Variants in FAAH2 observed in about 807,000 individuals in gnomAD.
The protein encoded by FAAH2 is fatty acid amide hydrolase 2.
A neutral mutation model predicts 36.9 loss-of-function variants in FAAH2; 60 were observed. That is an observed-to-expected ratio of 1.63 (90% CI 1.32 to 2.02). The LOEUF is 2.02. FAAH2 is among the 30% of genes most tolerant of loss of function. The pLI is 0.00. For synonymous variants in FAAH2, 214 were observed against 143.8 expected (o/e 1.49, Z -3.49); for missense variants, 689 against 397.5 (o/e 1.73, Z -6.23).
intron 8 of FAAH2, among the ~76,000 whole-genome samples, chrX:57,445,969 G>T (rs2056665536): frequency 8.9e-6 from 1 of 112,539 alleles, no homozygotes; most frequent in Non-Finnish European, 1.9e-5. Context: ...TCAGCTAGTG[G>T]TGGAGCCAGC....
intron 8 of FAAH2, among the ~76,000 whole-genome samples, chrX:57,435,489 A>C (rs2056391540): frequency 9.0e-6 from 1 of 110,808 alleles, no homozygotes; most frequent in Non-Finnish European, 1.9e-5. Context: ...ACTGAGAGAA[A>C]AGGGTTGAAA....
chrX:57,200,329 A>T, the FAAH2 span, among the ~76,000 whole-genome samples: 1 of 109,925 alleles, frequency 9.1e-6, no homozygotes, highest in African/African-American at 3.3e-5. Context: ...TTGCATCAAT[A>T]AGCAAGGAAA....
At chrX:57,139,328 T>A in the FAAH2 span, among the ~76,000 whole-genome samples, 1 of 112,464 alleles carries the variant, frequency 8.9e-6, no homozygotes, top group Admixed American at 9.4e-5. Flanking sequence ...TTCTATAGTG[T>A]GTGTTCTTGG....
At chrX:57,146,680 AG>A in the FAAH2 span, among the ~76,000 whole-genome samples, 1 of 112,173 alleles carries the variant, frequency 8.9e-6, no homozygotes. Flanking sequence ...TTCTCCATTC[AG>A]TATAATGTTG....
At chrX:57,312,972 C>A (rs770047629) in intron 3 of FAAH2, among the ~76,000 whole-genome samples, 1 of 111,107 alleles carries the variant, frequency 9.0e-6, no homozygotes, top group South Asian at 3.8e-4. Flanking sequence ...AAATCCAATC[C>A]AAGGAATGCA....
chrX:57,447,065 C>A, intron 9 of FAAH2, 26 bp downstream of exon 9: 1 of 1,054,289 alleles, frequency 9.5e-7, no homozygotes, highest in Non-Finnish European at 1.3e-6. Context: ...TCTACCTAGA[C>A]CAGTTTGATG....
the FAAH2 span, among the ~76,000 whole-genome samples, chrX:57,205,555 A>T: frequency 1.8e-5 from 2 of 112,349 alleles, no homozygotes; most frequent in African/African-American, 6.5e-5. Flanking sequence ...ATTAACAGGC[A>T]TATCAAAGCA....
the FAAH2 span, chrX:57,137,414 C>G: frequency 1.9e-5 from 14 of 724,327 alleles, no homozygotes; most frequent in Admixed American, 1.7e-4. Context: ...AGCGGTGTCC[C>G]CAGCGCTTCG....
intron 5 of FAAH2, among the ~76,000 whole-genome samples, chrX:57,375,944 T>A (rs1395992018): frequency 9.0e-6 from 1 of 111,712 alleles, no homozygotes; most frequent in East Asian, 2.8e-4. Flanking sequence ...ACTATTTTTC[T>A]ATATATATAT....
the FAAH2 span, among the ~76,000 whole-genome samples, chrX:57,139,800 G>C: frequency 1.3e-4 from 15 of 111,670 alleles, no homozygotes; most frequent in African/African-American, 4.9e-4. Context: ...TGATGCCCCA[G>C]CTTAGTTCTT....
chrX:57,421,093 T>G (rs977023644), intron 7 of FAAH2, among the ~76,000 whole-genome samples: 2 of 112,263 alleles, frequency 1.8e-5, no homozygotes, highest in Admixed American at 9.5e-5. Flanking sequence ...ATTCATTACC[T>G]TCATAAGATT....
chrX:57,235,429 C>G, the FAAH2 span, among the ~76,000 whole-genome samples: 1 of 111,758 alleles, frequency 8.9e-6, no homozygotes, highest in African/African-American at 3.3e-5. Context: ...TTTTCCATCA[C>G]TCTTATGATC....
At chrX:57,439,088 A>G (rs931168966) in intron 8 of FAAH2, among the ~76,000 whole-genome samples, 2 of 111,000 alleles carry the variant, frequency 1.8e-5, no homozygotes, top group African/African-American at 6.6e-5. Context: ...TTATAGTAGC[A>G]TGATTTATAA....
the FAAH2 span, among the ~76,000 whole-genome samples, chrX:57,226,645 C>T: frequency 1.2e-4 from 13 of 111,341 alleles, no homozygotes; most frequent in Non-Finnish European, 2.1e-4. Flanking sequence ...GATCTTTTTG[C>T]AATAGATTTC....
the FAAH2 span, among the ~76,000 whole-genome samples, chrX:57,224,813 G>A: frequency 8.9e-6 from 1 of 112,203 alleles, no homozygotes; most frequent in East Asian, 2.8e-4. Flanking sequence ...ACACTGCCTC[G>A]TGTTGTCTGT....
the FAAH2 span, among the ~76,000 whole-genome samples, chrX:57,252,460 T>C: frequency 8.9e-6 from 1 of 112,390 alleles, no homozygotes; most frequent in African/African-American, 3.2e-5. Context: ...GACACCCGTG[T>C]AGCCTGATTG....
the FAAH2 span, among the ~76,000 whole-genome samples, chrX:57,225,388 T>C: frequency 8.9e-6 from 1 of 112,232 alleles, no homozygotes; most frequent in Non-Finnish European, 1.9e-5. Context: ...ATCTTGATTT[T>C]GTTTTTGGCC....
At chrX:57,191,718 C>A in the FAAH2 span, among the ~76,000 whole-genome samples, 1 of 111,889 alleles carries the variant, frequency 8.9e-6, no homozygotes, top group African/African-American at 3.2e-5. Flanking sequence ...ATCATTTTCC[C>A]AGCACAATTT....
the FAAH2 span, among the ~76,000 whole-genome samples, chrX:57,267,317 G>A: frequency 2.7e-5 from 3 of 112,943 alleles, no homozygotes; most frequent in African/African-American, 6.4e-5. Flanking sequence ...CTTAGCCTTG[G>A]CTGGCACAGA....
Sources: gnomAD v4.1 joint callset for allele counts (sites outside exome capture counted in the v4.1 genomes callset) on GRCh38, gnomAD v4.1.1 for gene constraint, MANE v1.5 for transcripts, NCBI Gene and HGNC (gene_info 2026-07-23, HGNC 2026-07-21) for gene names.